UNC13C: variants seen among roughly 807,000 people sequenced by gnomAD.
The protein encoded by UNC13C is unc-13 homolog C, also known as protein unc-13 homolog C.
Under a neutral mutation model 245.4 loss-of-function variants are expected in UNC13C, and 174 were observed. The observed-to-expected ratio is 0.71, with a 90% CI of 0.63 to 0.80. The LOEUF is 0.80. UNC13C is among the 30% of genes least tolerant of loss of function. The pLI is 0.00. For missense variants in UNC13C, 2,829 were observed against 2,602.9 expected (o/e 1.09, Z -1.89); for synonymous variants, 992 against 895.1 (o/e 1.11, Z -1.93).
intron 2 of UNC13C, among the ~76,000 whole-genome samples, chr15:54,058,186 A>G (rs1342088570): frequency 6.6e-6 from 1 of 152,192 alleles, no homozygotes; most frequent in Non-Finnish European, 1.5e-5. Flanking sequence ...GTTTTTTTGA[A>G]AAGATCAACA....
chr15:54,056,789 G>A (rs1447491233), intron 2 of UNC13C, among the ~76,000 whole-genome samples: 1 of 152,330 alleles, frequency 6.6e-6, no homozygotes, highest in East Asian at 1.9e-4. Flanking sequence ...AGCCAGAAGA[G>A]AGTGGGGCCC....
At chr15:54,153,068 T>G (rs898262778) in intron 4 of UNC13C, among the ~76,000 whole-genome samples, 17 of 151,838 alleles carry the variant, frequency 1.1e-4, no homozygotes, top group African/African-American at 4.1e-4. Flanking sequence ...TATAAGCTTG[T>G]AAATAATTAC....
chr15:54,339,916 A>T (rs181853086), intron 17 of UNC13C, among the ~76,000 whole-genome samples: 2 of 152,240 alleles, frequency 1.3e-5, no homozygotes, highest in East Asian at 3.9e-4. Flanking sequence ...AGCAGTGTAG[A>T]AGTGTTCTCT....
At chr15:53,993,375 A>C (rs1894476398) in intron 1 of UNC13C, among the ~76,000 whole-genome samples, 1 of 152,104 alleles carries the variant, frequency 6.6e-6, no homozygotes, top group African/African-American at 2.4e-5. Flanking sequence ...GAGAATGAGC[A>C]CTTGACCGTG....
At position 54,297,722 on chromosome 15, in the gene UNC13C, T is replaced by C. The variant is rs982300057; in HGVS notation, c.3989-89T>C. 39 of 958,066 alleles carry C rather than the reference T, an allele frequency of 4.1e-5. No homozygotes were observed. In the African/African-American group the frequency reaches 6.4e-4, roughly 16 times the overall value. The allele number at this position is 958,066 out of a possible 1,614,324, so 59.3% of individuals were successfully genotyped here. A position where few individuals can be genotyped will look rare whatever the true frequency, so the allele number is the denominator to read the frequency against. ...CTTTTAGCTACTTAAGCCGTTTTTT[T>C]GTTTTTTTGTTTTTTAGCTTTTGAG... On this transcript the variant is annotated intron_variant, in intron 11 of 32. Coordinates refer to ENST00000260323, the MANE Select transcript of UNC13C (RefSeq NM_001080534.3).
At chr15:54,432,296 G>C (rs902444775) in intron 19 of UNC13C, among the ~76,000 whole-genome samples, 1 of 151,532 alleles carries the variant, frequency 6.6e-6, no homozygotes, top group African/African-American at 2.4e-5. Context: ...TGTGGTGTTA[G>C]AAAAATAATT....
At chr15:53,880,598 A>T in the UNC13C span, among the ~76,000 whole-genome samples, 1 of 152,260 alleles carries the variant, frequency 6.6e-6, no homozygotes, top group South Asian at 2.1e-4. Flanking sequence ...CTGATGTATT[A>T]TAAGGATAAC....
the UNC13C span, among the ~76,000 whole-genome samples, chr15:53,839,374 G>T: frequency 2.6e-4 from 39 of 151,986 alleles, no homozygotes; most frequent in Non-Finnish European, 2.9e-5. Context: ...ACCCTATATA[G>T]AATTAGCAAT....
rs556033758 is a variant in UNC13C, at chr15:54,600,348, G to A, written c.6107-21979G>A. ...ATTTTAATGGAGGCATATGATTTCG[G>A]GATGAGAGCATTTTTCCATGAACAG... is the stretch of plus-strand genomic sequence containing the variant. On this transcript the variant is annotated intron_variant, in intron 30 of 32. Transcript: ENST00000260323. Among the ~76,000 whole-genome samples, 6 of 152,116 alleles carry A rather than the reference G, an allele frequency of 3.9e-5. No homozygotes were observed. The South Asian group carries it at 1.2e-3, about 32-fold the overall frequency.
At chr15:54,591,944 C>G (rs1261427816) in intron 30 of UNC13C, among the ~76,000 whole-genome samples, 1 of 151,988 alleles carries the variant, frequency 6.6e-6, no homozygotes, top group Non-Finnish European at 1.5e-5. Flanking sequence ...TATGAACTTT[C>G]CTGTTAACAC....
chr15:54,235,399 A>G (rs1001509326), intron 5 of UNC13C, among the ~76,000 whole-genome samples: 1 of 152,212 alleles, frequency 6.6e-6, no homozygotes, highest in Non-Finnish European at 1.5e-5. Context: ...AAGCAAGTGA[A>G]TAGGCTTTGA....
chr15:54,028,911 T>C (rs974364566), intron 2 of UNC13C, among the ~76,000 whole-genome samples: 4 of 152,158 alleles, frequency 2.6e-5, no homozygotes, highest in African/African-American at 7.2e-5. Flanking sequence ...ACTTAAAATG[T>C]GGTGATAAAA....
chr15:54,336,311 A>G (rs961108169), intron 16 of UNC13C, among the ~76,000 whole-genome samples: 2 of 152,074 alleles, frequency 1.3e-5, no homozygotes, highest in South Asian at 2.1e-4. Context: ...TCTAAAATCT[A>G]CTTTCTTGCA....
the UNC13C span, among the ~76,000 whole-genome samples, chr15:53,847,660 C>T: frequency 6.6e-6 from 1 of 151,926 alleles, no homozygotes; most frequent in South Asian, 2.1e-4. Flanking sequence ...GCCACTGTGC[C>T]CAGCCTCATT....
intron 24 of UNC13C, among the ~76,000 whole-genome samples, chr15:54,515,930 C>G (rs1894954740): frequency 6.6e-6 from 1 of 152,156 alleles, no homozygotes; most frequent in Admixed American, 6.5e-5. Context: ...CACATAAGTC[C>G]AGGCAGAATA....
chr15:54,158,610 C>T (rs916362136), intron 4 of UNC13C, among the ~76,000 whole-genome samples: 7 of 152,000 alleles, frequency 4.6e-5, no homozygotes, highest in East Asian at 1.9e-4. Flanking sequence ...TGAGCCACTG[C>T]GCTTGGCCTA....
At chr15:54,143,392 T>G (rs943630284) in intron 3 of UNC13C, among the ~76,000 whole-genome samples, 1 of 152,166 alleles carries the variant, frequency 6.6e-6, no homozygotes, top group African/African-American at 2.4e-5. Flanking sequence ...GAATATGACA[T>G]ATTTTCCGGG....
At chr15:54,344,304 A>T (rs577929496) in intron 17 of UNC13C, among the ~76,000 whole-genome samples, 1 of 152,184 alleles carries the variant, frequency 6.6e-6, no homozygotes, top group Non-Finnish European at 1.5e-5. Flanking sequence ...TCTGTAAGAG[A>T]GCTTCGTAGG....
Position 54,542,257 on chromosome 15 carries a change from C to A in UNC13C, c.5697-4465C>A, listed in dbSNP as rs536868717. Among the ~76,000 whole-genome samples, 7 of 152,140 alleles carry A rather than the reference C, an allele frequency of 4.6e-5. No individual in the cohort carries two copies. In the South Asian group the frequency reaches 1.5e-3, roughly 32 times the overall value. ...ATTTCTGCCTTGATTTCGTTATTTACCCAGGAGTCATTTAGGAGCAGGTTG... is the reference window on the plus strand; with the variant it reads ...ATTTCTGCCTTGATTTCGTTATTTAACCAGGAGTCATTTAGGAGCAGGTTG... On this transcript the variant is annotated intron_variant, in intron 26 of 32. Transcript: ENST00000260323.
Sources: gnomAD v4.1 joint callset for allele counts (sites outside exome capture counted in the v4.1 genomes callset) on GRCh38, gnomAD v4.1.1 for gene constraint, MANE v1.5 for transcripts, NCBI Gene and HGNC (gene_info 2026-07-23, HGNC 2026-07-21) for gene names.